FMN1: variants seen among roughly 807,000 people sequenced by gnomAD.
FMN1 encodes formin-1.
FMN1 carries 110 observed loss-of-function variants against 132.4 expected under a neutral mutation model. The observed-to-expected ratio is 0.83, with a 90% confidence interval of 0.71 to 0.97. FMN1 has a LOEUF of 0.97. Among genes scored for constraint, FMN1 ranks in the 50% least tolerant of loss-of-function variants. The probability of loss-of-function intolerance (pLI) is 0.00; values close to 1 mark genes in which losing one functional copy is unlikely to be tolerated. For synonymous variants in FMN1, 722 were observed against 651.7 expected (o/e 1.11, Z -1.64); for missense variants, 1,792 against 1,705.3 (o/e 1.05, Z -0.90).
intron 17 of FMN1, among the ~76,000 whole-genome samples, chr15:32,810,522 AT>A (rs1005753043): frequency 6.6e-6 from 1 of 152,114 alleles, no homozygotes; most frequent in African/African-American, 2.4e-5. Context: ...AAAATATACT[AT>A]TTTCCACAGT....
intron 7 of FMN1, among the ~76,000 whole-genome samples, chr15:32,995,201 G>T (rs1042332816): frequency 6.6e-6 from 1 of 151,996 alleles, no homozygotes; most frequent in Non-Finnish European, 1.5e-5. Context: ...GCCATATATT[G>T]TATCAAAACA....
rs73372980 is a variant in FMN1, at chr15:32,977,856, A to C, written c.2224-8379T>G. ...AGTGATAAGTATGCAATTTAGATAC[A>C]ATTATTCTTTTTTTTTTTTTTTCTG... On this transcript the variant is annotated intron_variant, in intron 7 of 20. Coordinates refer to ENST00000616417, the MANE Select transcript of FMN1 (RefSeq NM_001277313.2). Among the ~76,000 whole-genome samples, 805 of 152,066 alleles carry C rather than the reference A, an allele frequency of 5.3e-3. 13 individuals carry two copies. Among genetic ancestry groups the C allele is most frequent in the African/African-American group, 0.019 (780 of 41,462 alleles).
chr15:33,080,149 T>C (rs940544763), intron 5 of FMN1, among the ~76,000 whole-genome samples: 2 of 152,258 alleles, frequency 1.3e-5, no homozygotes, highest in African/African-American at 4.8e-5. Flanking sequence ...AAGCCATTCC[T>C]ATGGCCTGTA....
chr15:32,983,939 G>A (rs150109293), intron 7 of FMN1, among the ~76,000 whole-genome samples: 1 of 152,256 alleles, frequency 6.6e-6, no homozygotes, highest in Non-Finnish European at 1.5e-5. Flanking sequence ...CAGCTACGTG[G>A]GAACATGGCC....
At chr15:32,940,435 G>A (rs2061377451) in intron 9 of FMN1, among the ~76,000 whole-genome samples, 1 of 150,364 alleles carries the variant, frequency 6.7e-6, no homozygotes, top group South Asian at 2.1e-4. Context: ...GTGTGTGTCT[G>A]TTCAATGGAG....
At chr15:33,124,613 A>C (rs1962874356) in intron 4 of FMN1, among the ~76,000 whole-genome samples, 1 of 152,164 alleles carries the variant, frequency 6.6e-6, no homozygotes, top group African/African-American at 2.4e-5. Flanking sequence ...TATTGCATTA[A>C]TCTTCTAGAA....
chr15:33,017,743 A>T (rs111632883), intron 6 of FMN1, among the ~76,000 whole-genome samples: 1 of 152,326 alleles, frequency 6.6e-6, no homozygotes, highest in Non-Finnish European at 1.5e-5. Context: ...TCTTACCGCT[A>T]TGGTTTGAAT....
intron 15 of FMN1, 78 bp from the exon 16 acceptor site, chr15:32,888,370 A>G (rs908520976): frequency 3.7e-5 from 42 of 1,120,284 alleles, no homozygotes; most frequent in Middle Eastern, 4.4e-4. Context: ...CATCAATGAG[A>G]AAAAAAAAAG....
intron 6 of FMN1, among the ~76,000 whole-genome samples, chr15:33,032,240 C>G (rs569771229): frequency 6.6e-6 from 1 of 152,170 alleles, no homozygotes; most frequent in Non-Finnish European, 1.5e-5. Flanking sequence ...GCATGCAACA[C>G]TAAACGAGTA....
At chr15:33,002,648 C>A (rs1374591044) in intron 7 of FMN1, among the ~76,000 whole-genome samples, 1 of 152,118 alleles carries the variant, frequency 6.6e-6, no homozygotes, top group Non-Finnish European at 1.5e-5. Flanking sequence ...CGACTTAGCC[C>A]CAGCAGGTTG....
chr15:33,047,395 T>G (rs1424149698), intron 6 of FMN1, among the ~76,000 whole-genome samples: 1 of 152,204 alleles, frequency 6.6e-6, no homozygotes, highest in East Asian at 1.9e-4. Flanking sequence ...ATTGGCCACT[T>G]TGTGTGCCTA....
intron 7 of FMN1, among the ~76,000 whole-genome samples, chr15:32,985,744 A>C (rs1009319642): frequency 6.6e-6 from 1 of 152,224 alleles, no homozygotes; most frequent in African/African-American, 2.4e-5. Context: ...CAGACATGGA[A>C]GTTTGTTTTG....
rs183001670 is a variant in FMN1 at position 32,900,151 on chromosome 15, C to T, written c.3508-26G>A. 2.9e-5 allele frequency: 47 copies of T among 1,612,508 alleles called. No individual in the cohort carries two copies. The East Asian group carries it at 4.2e-4, about 15-fold the overall frequency. ...CTGTGATGGCAAACACCAGTTATTACGGAGCTGAACTCCAAATGCACCCAT... is the reference window on the plus strand; with the variant it reads ...CTGTGATGGCAAACACCAGTTATTATGGAGCTGAACTCCAAATGCACCCAT... On this transcript the variant is annotated intron_variant, in intron 13 of 20. Coordinates refer to ENST00000616417, the MANE Select transcript of FMN1 (RefSeq NM_001277313.2).
chr15:32,804,259 G>A (rs1023246995), intron 18 of FMN1, 22 bp downstream of exon 18: 3 of 1,543,944 alleles, frequency 1.9e-6, no homozygotes, highest in African/African-American at 1.4e-5. Context: ...GAAAGAACTG[G>A]GGCCAAATCA....
At chr15:33,107,760 A>G (rs950977384) in intron 4 of FMN1, among the ~76,000 whole-genome samples, 1 of 152,152 alleles carries the variant, frequency 6.6e-6, no homozygotes, top group Non-Finnish European at 1.5e-5. Flanking sequence ...CTGAAACTAA[A>G]TAATGAATGA....
At chr15:32,784,376 T>TC (rs1219424734) in intron 19 of FMN1, among the ~76,000 whole-genome samples, 3 of 151,558 alleles carry the variant, frequency 2.0e-5, no homozygotes, top group African/African-American at 7.3e-5. Flanking sequence ...AGGTCTGCTT[T>TC]TTTTTTTTTA....
At chr15:33,066,419 C>G in intron 5 of FMN1, 2 of 1,060,888 alleles carry the variant, frequency 1.9e-6, no homozygotes, top group East Asian at 2.6e-5. Flanking sequence ...GAATCACTAA[C>G]AGGCAACTAG....
At chr15:32,982,380 C>T (rs2032748228) in intron 7 of FMN1, among the ~76,000 whole-genome samples, 1 of 152,184 alleles carries the variant, frequency 6.6e-6, no homozygotes, top group Admixed American at 6.5e-5. Context: ...GTTAAACACA[C>T]ACTTTCCATA....
chr15:33,061,244 TCAAG>T (rs945884401), intron 6 of FMN1, among the ~76,000 whole-genome samples: 3 of 152,174 alleles, frequency 2.0e-5, no homozygotes, highest in African/African-American at 7.2e-5. Context: ...CTTCACCCAG[TCAAG>T]CCCTGTCCCT....
Sources: allele counts gnomAD v4.1 joint callset (sites outside exome capture counted in the v4.1 genomes callset), GRCh38; gene constraint gnomAD v4.1.1; transcripts MANE v1.5; gene names NCBI Gene and HGNC (gene_info 2026-07-23, HGNC 2026-07-21).